Variants in INPP4B observed in about 807,000 individuals in gnomAD.
INPP4B encodes the protein inositol polyphosphate 4-phosphatase type II.
A neutral mutation model predicts 122.5 loss-of-function variants in INPP4B; 55 were observed. The ratio of observed to expected loss-of-function variants is 0.45; its 90% CI spans 0.36 to 0.56. The LOEUF (loss-of-function observed/expected upper bound fraction) is 0.56. Among genes scored for constraint, INPP4B ranks in the 20% least tolerant of loss-of-function variants. The pLI, the probability that INPP4B is intolerant of heterozygous loss-of-function variation, is 0.00. For missense variants in INPP4B, 1,000 were observed against 1,097.7 expected, an observed-to-expected ratio of 0.91 and a Z score of 1.26; for synonymous variants, 403 against 388.7, an observed-to-expected ratio of 1.04 and a Z score of -0.43.
chr4:142,712,546 C>T (rs1161755980), intron 2 of INPP4B, among the ~76,000 whole-genome samples: 1 of 152,124 alleles, frequency 6.6e-6, no homozygotes, highest in Non-Finnish European at 1.5e-5. Context: ...GTTTAGTTTC[C>T]TTCTTTTATT....
At chr4:142,434,359 G>A (rs1254381946) in intron 3 of INPP4B, among the ~76,000 whole-genome samples, 1 of 152,148 alleles carries the variant, frequency 6.6e-6, no homozygotes, top group Non-Finnish European at 1.5e-5. Flanking sequence ...CCAGAAGGGA[G>A]GAGAACTCAC....
At chr4:142,605,232 A>C (rs1740985307) in intron 2 of INPP4B, among the ~76,000 whole-genome samples, 2 of 151,984 alleles carry the variant, frequency 1.3e-5, no homozygotes, top group Non-Finnish European at 2.9e-5. Flanking sequence ...CTAAATCACT[A>C]TCTCTCACCA....
intron 2 of INPP4B, among the ~76,000 whole-genome samples, chr4:142,631,799 T>A (rs940444395): frequency 1.3e-5 from 2 of 152,134 alleles, no homozygotes; most frequent in African/African-American, 4.8e-5. Context: ...TAAAAATACA[T>A]GCCAACCTAG....
At chr4:142,752,189 G>A (rs1769833568) in intron 1 of INPP4B, among the ~76,000 whole-genome samples, 1 of 152,010 alleles carries the variant, frequency 6.6e-6, no homozygotes, top group African/African-American at 2.4e-5. Flanking sequence ...GTGAAGATCA[G>A]TGAATCACAT....
rs114098880 is a variant in INPP4B, at chr4:142,593,274, A to G, written c.-190-130548T>C. 2.6e-3 allele frequency among the ~76,000 whole-genome samples: 393 copies of G among 152,188 alleles called. 3 individuals are homozygous for G. The highest frequency in any genetic ancestry group is 9.2e-3 in the African/African-American group (382 of 41,524). On this transcript the variant is annotated intron_variant, in intron 2 of 25. Transcript: ENST00000262992. ...GATGATGAGGTAAAATAGGGAGATT[A>G]GAAGGGATTATTTCAAAGATTCTAT...
intron 1 of INPP4B, among the ~76,000 whole-genome samples, chr4:142,792,388 AAC>A (rs1776676643): frequency 6.6e-6 from 1 of 152,150 alleles, no homozygotes; most frequent in African/African-American, 2.4e-5. Flanking sequence ...ATTAATATGA[AAC>A]ACACAGCAAA....
At chr4:142,318,175 G>A (rs769850481) in intron 7 of INPP4B, among the ~76,000 whole-genome samples, 2 of 152,022 alleles carry the variant, frequency 1.3e-5, no homozygotes, top group Non-Finnish European at 2.9e-5. Flanking sequence ...ACTGCAAACA[G>A]TACGTGACCC....
intron 5 of INPP4B, among the ~76,000 whole-genome samples, chr4:142,418,977 G>T (rs1185017475): frequency 2.6e-5 from 4 of 152,090 alleles, no homozygotes; most frequent in Non-Finnish European, 1.5e-5. Flanking sequence ...GAAAGGGGTG[G>T]TGAAATTCAG....
chr4:142,110,833 T>C (rs1271177769), intron 22 of INPP4B, among the ~76,000 whole-genome samples: 4 of 152,152 alleles, frequency 2.6e-5, no homozygotes, highest in Non-Finnish European at 5.9e-5. Flanking sequence ...AATTAGTCCA[T>C]CTTAGAAGCC....
intron 2 of INPP4B, among the ~76,000 whole-genome samples, chr4:142,576,159 A>G (rs953643507): frequency 6.6e-6 from 1 of 151,986 alleles, no homozygotes; most frequent in African/African-American, 2.4e-5. Context: ...ATATGCACCA[A>G]ATATTTACAT....
rs114830264 is a variant in INPP4B, at chr4:142,734,613, C to T, written c.-253-8712G>A. ...AAGATCCAAATTCATCTGTCTATGG[C>T]CCTTAAAAAATGGGCACTATTAGAT... On this transcript the variant is annotated intron_variant, in intron 1 of 25. Coordinates refer to ENST00000262992, the MANE Select transcript of INPP4B (RefSeq NM_001101669.3). 5.2e-3 allele frequency among the ~76,000 whole-genome samples: 784 copies of T among 152,208 alleles called. 6 individuals are homozygous for T. Among genetic ancestry groups the T allele is most frequent in the African/African-American group, 0.018 (732 of 41,544 alleles).
At chr4:142,147,214 T>C (rs909538380) in intron 17 of INPP4B, among the ~76,000 whole-genome samples, 1 of 152,172 alleles carries the variant, frequency 6.6e-6, no homozygotes, top group Non-Finnish European at 1.5e-5. Context: ...TAGTACTAAA[T>C]TAGAGTATTT....
intron 1 of INPP4B, among the ~76,000 whole-genome samples, chr4:142,818,817 C>G (rs965387748): frequency 1.3e-5 from 2 of 152,120 alleles, no homozygotes; most frequent in African/African-American, 4.8e-5. Context: ...AAATAGCAAC[C>G]ACCCAACATT....
chr4:142,076,993 G>C (rs1771110320), intron 25 of INPP4B, among the ~76,000 whole-genome samples: 1 of 151,956 alleles, frequency 6.6e-6, no homozygotes, highest in Admixed American at 6.6e-5. Flanking sequence ...AGGAAGTCAT[G>C]CAAATACATC....
chr4:142,472,333 A>C (rs1818989016), intron 2 of INPP4B, among the ~76,000 whole-genome samples: 1 of 152,102 alleles, frequency 6.6e-6, no homozygotes, highest in African/African-American at 2.4e-5. Context: ...GGAAAAAAAA[A>C]AAAAAGTCAT....
chr4:142,672,967 A>T (rs1252153078), intron 2 of INPP4B, among the ~76,000 whole-genome samples: 1 of 152,112 alleles, frequency 6.6e-6, no homozygotes, highest in Non-Finnish European at 1.5e-5. Flanking sequence ...CAGTTTTTCC[A>T]GTATCTTTTG....
intron 3 of INPP4B, among the ~76,000 whole-genome samples, chr4:142,452,199 C>A (rs1814434346): frequency 6.6e-6 from 1 of 152,086 alleles, no homozygotes; most frequent in African/African-American, 2.4e-5. Context: ...TGATGGTTTC[C>A]AGCTTTGTCC....
intron 7 of INPP4B, 92 bp from the exon 8 acceptor site, chr4:142,314,854 C>A: frequency 2.0e-6 from 2 of 990,372 alleles, no homozygotes; most frequent in Non-Finnish European, 3.0e-6. Context: ...CTTCATCTCG[C>A]GTCAATTCAG....
intron 14 of INPP4B, among the ~76,000 whole-genome samples, chr4:142,199,541 G>T (rs1839795940): frequency 6.6e-6 from 1 of 152,008 alleles, no homozygotes; most frequent in African/African-American, 2.4e-5. Flanking sequence ...CCTTTAAGAA[G>T]ATGTATTCAG....
Sources: allele counts gnomAD v4.1 joint callset (sites outside exome capture counted in the v4.1 genomes callset), GRCh38; gene constraint gnomAD v4.1.1; transcripts MANE v1.5; gene names NCBI Gene and HGNC (gene_info 2026-07-23, HGNC 2026-07-21).